The following SH3GL3 variants were observed in gnomAD, a reference collection of about 807,000 sequenced individuals.
SH3GL3 encodes SH3 domain containing GRB2 like 3, endophilin A3.
In SH3GL3, 33 loss-of-function variants were observed where a neutral mutation model predicts 47.7. The observed-to-expected ratio is 0.69, with a 90% confidence interval of 0.52 to 0.92. SH3GL3 has a LOEUF of 0.92. Among genes scored for constraint, SH3GL3 ranks in the 40% least tolerant of loss-of-function variants. The pLI, the probability that SH3GL3 is intolerant of heterozygous loss-of-function variation, is 0.00. For synonymous variants in SH3GL3, 155 were observed against 148.8 expected, an observed-to-expected ratio of 1.04 and a Z score of -0.30; for missense variants, 363 against 417.8, an observed-to-expected ratio of 0.87 and a Z score of 1.14.
chr15:83,562,069 ACACACACACACACT>A (rs750139664), intron 2 of SH3GL3, among the ~76,000 whole-genome samples: 2,788 of 120,014 alleles, frequency 0.023, 53 homozygotes, highest in Non-Finnish European at 0.035. Context: ...ACACACACAC[ACACACACACACACT>A]ATAGTGTCCC....
At position 83,618,445 on chromosome 15, in the gene SH3GL3, T is replaced by G; in HGVS notation, c.*158T>G. ...TAATGTATTTTATATCACTTTAATT[T>G]GTATAAATGATTTTCTTGTCCTTGC... is the stretch of plus-strand genomic sequence containing the variant. On this transcript the variant is annotated 3_prime_UTR_variant, in exon 9 of 9. Transcript: ENST00000427482. The G allele has an allele frequency of 1.7e-6, 1 of 587,474 alleles. No homozygotes were observed. The highest frequency in any genetic ancestry group is 1.9e-5 in the African/African-American group (1 of 53,114). 36.4% of individuals were successfully genotyped at this position (587,474 alleles called of 1,614,324 possible).
chr15:83,482,460 CT>C (rs1389299111), intron 1 of SH3GL3, among the ~76,000 whole-genome samples: 1 of 150,910 alleles, frequency 6.6e-6, no homozygotes, highest in Non-Finnish European at 1.5e-5. Flanking sequence ...AATCTCTTTT[CT>C]TTCTACAAGC....
chr15:83,630,635 T>A, the SH3GL3 span, among the ~76,000 whole-genome samples: 1 of 152,028 alleles, frequency 6.6e-6, no homozygotes, highest in African/African-American at 2.4e-5. Flanking sequence ...AAACCCCTTA[T>A]AAAACCCCTT....
chr15:83,627,266 G>A, the SH3GL3 span, among the ~76,000 whole-genome samples: 3 of 151,846 alleles, frequency 2.0e-5, no homozygotes, highest in East Asian at 1.9e-4. Flanking sequence ...GCATGGTGGC[G>A]GGCACCTGTA....
chr15:83,570,992 G>T (rs564777335), intron 4 of SH3GL3, among the ~76,000 whole-genome samples: 2 of 152,124 alleles, frequency 1.3e-5, no homozygotes, highest in African/African-American at 4.8e-5. Context: ...CTCGGCAACC[G>T]AAAAAAACTT....
chr15:83,474,112 T>C (rs10220793), intron 1 of SH3GL3, among the ~76,000 whole-genome samples: 51,860 of 151,954 alleles, frequency 0.34, 9,417 homozygotes, highest in South Asian at 0.65. Flanking sequence ...CCATCATCCC[T>C]GAAGCAGAAG....
At chr15:83,475,868 A>G (rs2041072619) in intron 1 of SH3GL3, among the ~76,000 whole-genome samples, 1 of 152,188 alleles carries the variant, frequency 6.6e-6, no homozygotes, top group Non-Finnish European at 1.5e-5. Context: ...TCTGGCATCT[A>G]CTTTGTTTGG....
rs547184363 is a variant in SH3GL3, at chr15:83,499,125, G to A, written c.45+51547G>A. ...GGGGATGGGTTGCTTTGTTCTCCGTGTTCTTACAGCGTTTTATACATATCT... is the reference window on the plus strand; with the variant it reads ...GGGGATGGGTTGCTTTGTTCTCCGTATTCTTACAGCGTTTTATACATATCT... On this transcript the variant is annotated intron_variant, in intron 1 of 8. Transcript: ENST00000427482. Among the ~76,000 whole-genome samples the A allele has an allele frequency of 6.6e-5, 10 of 152,172 alleles. No homozygotes were observed. The South Asian group carries it at 8.3e-4, about 13-fold the overall frequency.
chr15:83,514,035 T>C (rs1395860410), intron 1 of SH3GL3, among the ~76,000 whole-genome samples: 2 of 152,240 alleles, frequency 1.3e-5, no homozygotes, highest in Non-Finnish European at 1.5e-5. Context: ...CAGTAGCTAG[T>C]TTCACTGAGC....
intron 6 of SH3GL3, among the ~76,000 whole-genome samples, chr15:83,577,393 C>A (rs757625257): frequency 2.8e-4 from 43 of 152,068 alleles, no homozygotes; most frequent in Admixed American, 2.6e-4. Flanking sequence ...AGACATCCAG[C>A]AAGCCCTGAC....
At chr15:83,586,211 C>T (rs1007613657) in intron 6 of SH3GL3, among the ~76,000 whole-genome samples, 1 of 152,186 alleles carries the variant, frequency 6.6e-6, no homozygotes, top group Non-Finnish European at 1.5e-5. Context: ...AGCAGCCCCT[C>T]AGACACGTGG....
intron 4 of SH3GL3, 93 bp downstream of exon 4, chr15:83,568,765 A>C: frequency 7.1e-6 from 6 of 847,568 alleles, no homozygotes; most frequent in Non-Finnish European, 1.1e-5. Context: ...AACCTTTGTT[A>C]TTTTTCCATA....
At chr15:83,586,052 A>G (rs1318985657) in intron 6 of SH3GL3, among the ~76,000 whole-genome samples, 1 of 152,228 alleles carries the variant, frequency 6.6e-6, no homozygotes, top group Non-Finnish European at 1.5e-5. Flanking sequence ...GCTTTGGGGA[A>G]GCCTGGGAAG....
intron 2 of SH3GL3, among the ~76,000 whole-genome samples, chr15:83,562,694 G>T (rs964641608): frequency 6.6e-6 from 1 of 152,104 alleles, no homozygotes; most frequent in East Asian, 1.9e-4. Flanking sequence ...ATATAATTAA[G>T]CAAATTCCCT....
chr15:83,597,613 T>A (rs1253041481), intron 8 of SH3GL3, among the ~76,000 whole-genome samples: 7 of 151,336 alleles, frequency 4.6e-5, no homozygotes, highest in Admixed American at 3.9e-4. Context: ...TTATAATTAT[T>A]ATTATTTTTT....
At chr15:83,456,655 C>A (rs563287790) in intron 1 of SH3GL3, among the ~76,000 whole-genome samples, 2 of 141,798 alleles carry the variant, frequency 1.4e-5, no homozygotes, top group South Asian at 5.0e-4. Flanking sequence ...CAATGCCTCG[C>A]CCTGCTTCGG....
rs368731353 is a variant in SH3GL3 at position 83,447,972 on chromosome 15, G to C, written c.45+394G>C. Among the ~76,000 whole-genome samples the C allele has an allele frequency of 7.8e-4, 119 of 152,254 alleles. 1 individual carries two copies. The highest frequency in any genetic ancestry group is 2.7e-3 in the African/African-American group (114 of 41,552). Reference sequence around the variant, plus strand: ...CCCCCGAGTCTCCAGCCGTTTGGTTGGGAGAGCCTCGTGGGGGGCCCATCC... The same window carrying C: ...CCCCCGAGTCTCCAGCCGTTTGGTTCGGAGAGCCTCGTGGGGGGCCCATCC... On this transcript the variant is annotated intron_variant, in intron 1 of 8. Coordinates refer to ENST00000427482, the MANE Select transcript of SH3GL3 (RefSeq NM_003027.5). The surrounding 1 kb of genome is among the most constrained non-coding windows in gnomAD (Gnocchi z 5.1).
chr15:83,505,105 A>G (rs1475444434), intron 1 of SH3GL3, among the ~76,000 whole-genome samples: 1 of 152,018 alleles, frequency 6.6e-6, no homozygotes, highest in Non-Finnish European at 1.5e-5. Context: ...TACACCACTT[A>G]CATACGTATC....
intron 5 of SH3GL3, among the ~76,000 whole-genome samples, 168 bp downstream of exon 5, chr15:83,572,866 A>T (rs1470876200): frequency 6.6e-6 from 1 of 151,822 alleles, no homozygotes; most frequent in East Asian, 1.9e-4. Flanking sequence ...GAGTGCCAGG[A>T]TCCATTAGTC....
Sources: gnomAD v4.1 joint callset for allele counts (sites outside exome capture counted in the v4.1 genomes callset) on GRCh38, gnomAD v4.1.1 for gene constraint, Gnocchi (gnomAD v3.1) non-coding constraint, MANE v1.5 for transcripts, NCBI Gene and HGNC (gene_info 2026-07-23, HGNC 2026-07-21) for gene names.